Variants in ANO10 observed in about 807,000 individuals in gnomAD.
ANO10 encodes anoctamin-10.
Under a neutral mutation model 74.7 loss-of-function variants are expected in ANO10, and 77 were observed. The ratio of observed to expected loss-of-function variants is 1.03; its 90% CI spans 0.86 to 1.25. The LOEUF (loss-of-function observed/expected upper bound fraction) is 1.25. Ranked by LOEUF, ANO10 falls within the 50% of genes most tolerant of loss-of-function variation. ANO10 has a pLI of 0.00. For synonymous variants in ANO10, 279 were observed against 284.9 expected (o/e 0.98, Z 0.21); for missense variants, 721 against 778.1 (o/e 0.93, Z 0.87).
intron 12 of ANO10, among the ~76,000 whole-genome samples, chr3:43,401,557 GT>G (rs1474895712): frequency 6.6e-6 from 1 of 152,152 alleles, no homozygotes; most frequent in Non-Finnish European, 1.5e-5. Context: ...TCACAGACCA[GT>G]GGTTTCATGG....
chr3:43,492,332 A>G (rs1209326500), intron 11 of ANO10, among the ~76,000 whole-genome samples: 1 of 152,258 alleles, frequency 6.6e-6, no homozygotes, highest in Non-Finnish European at 1.5e-5. Flanking sequence ...AGGACCAGAA[A>G]AATCCTAGAA....
intron 4 of ANO10, among the ~76,000 whole-genome samples, chr3:43,587,487 G>T (rs1410466679): frequency 6.6e-6 from 1 of 152,168 alleles, no homozygotes; most frequent in East Asian, 1.9e-4. Context: ...CACCAAGTGG[G>T]AACTTCCAAG....
At chr3:43,408,353 C>T (rs887170569) in intron 12 of ANO10, among the ~76,000 whole-genome samples, 8 of 152,248 alleles carry the variant, frequency 5.3e-5, no homozygotes, top group East Asian at 3.9e-4. Flanking sequence ...TTTCATTATT[C>T]GTCCTTAAGA....
intron 1 of ANO10, among the ~76,000 whole-genome samples, chr3:43,664,670 T>G (rs1238260082): frequency 6.6e-6 from 1 of 151,204 alleles, no homozygotes; most frequent in African/African-American, 2.4e-5. Flanking sequence ...ACAAAGAACT[T>G]AAATTTACAA....
At chr3:43,659,044 C>T (rs563052563) in intron 1 of ANO10, among the ~76,000 whole-genome samples, 6 of 152,278 alleles carry the variant, frequency 3.9e-5, no homozygotes, top group African/African-American at 1.4e-4. Context: ...GGGGAAAAGG[C>T]AGTATCTTCT....
intron 10 of ANO10, among the ~76,000 whole-genome samples, chr3:43,553,071 G>A (rs2079559084): frequency 6.6e-6 from 1 of 152,098 alleles, no homozygotes; most frequent in South Asian, 2.1e-4. Context: ...TGGGATTACA[G>A]GCATGAGCCG....
chr3:43,614,416 G>C (rs2082982811), intron 1 of ANO10, among the ~76,000 whole-genome samples: 1 of 151,898 alleles, frequency 6.6e-6, no homozygotes, highest in African/African-American at 2.4e-5. Context: ...TATACAAAGA[G>C]TCCTTACAAA....
chr3:43,573,316 T>C (rs1559723385), intron 7 of ANO10, among the ~76,000 whole-genome samples: 1 of 152,188 alleles, frequency 6.6e-6, no homozygotes, highest in Non-Finnish European at 1.5e-5. Context: ...TATTGCCCAA[T>C]TGTTGAATTC....
chr3:43,691,318 C>T (rs765186383), intron 1 of ANO10: 1 of 306,184 alleles, frequency 3.3e-6, no homozygotes, highest in African/African-American at 2.2e-5. Flanking sequence ...GGGTCCGCCC[C>T]GTTGTTGTAT....
chr3:43,471,272 AT>A (rs2075847377), intron 11 of ANO10, among the ~76,000 whole-genome samples: 1 of 152,250 alleles, frequency 6.6e-6, no homozygotes. Context: ...TAGGAAAAAA[AT>A]CAAGTATAAA....
chr3:43,449,658 T>C (rs138216018), intron 11 of ANO10, among the ~76,000 whole-genome samples: 23 of 152,302 alleles, frequency 1.5e-4, no homozygotes, highest in African/African-American at 5.5e-4. Context: ...TATTTGTCTA[T>C]TCTTTCACCA....
intron 8 of ANO10, among the ~76,000 whole-genome samples, chr3:43,563,507 T>G (rs1001837509): frequency 6.6e-6 from 1 of 150,542 alleles, no homozygotes; most frequent in Non-Finnish European, 1.5e-5. Context: ...TGGGTATTTA[T>G]CCAAAGGAAA....
At chr3:43,620,374 A>C (rs1002396795) in intron 1 of ANO10, among the ~76,000 whole-genome samples, 4 of 152,228 alleles carry the variant, frequency 2.6e-5, no homozygotes, top group African/African-American at 9.6e-5. Context: ...ATTCATATAC[A>C]CAAAAATACA....
chr3:43,412,452 T>C (rs939884751), intron 12 of ANO10, among the ~76,000 whole-genome samples: 1 of 152,198 alleles, frequency 6.6e-6, no homozygotes, highest in Non-Finnish European at 1.5e-5. Flanking sequence ...GAACACACCG[T>C]TGCCTGCACT....
At chr3:43,416,929 T>C (rs1575726423) in intron 12 of ANO10, among the ~76,000 whole-genome samples, 2 of 152,226 alleles carry the variant, frequency 1.3e-5, no homozygotes, top group Non-Finnish European at 2.9e-5. Context: ...CATTAACTTA[T>C]TTATGCCAAC....
chr3:43,554,228 C>A (rs573959194), intron 10 of ANO10, among the ~76,000 whole-genome samples: 1 of 144,210 alleles, frequency 6.9e-6, no homozygotes, highest in Non-Finnish European at 1.5e-5. Context: ...GAGTGTCGCT[C>A]TGTCACCCAG....
At chr3:43,510,313 C>A (rs1454624537) in intron 11 of ANO10, among the ~76,000 whole-genome samples, 2 of 151,868 alleles carry the variant, frequency 1.3e-5, no homozygotes, top group African/African-American at 4.8e-5. Context: ...TGCCTGTAAT[C>A]CTGCCTACTG....
At chr3:43,472,197 C>T (rs1367826031) in intron 11 of ANO10, among the ~76,000 whole-genome samples, 2 of 151,966 alleles carry the variant, frequency 1.3e-5, no homozygotes, top group African/African-American at 2.4e-5. Context: ...AGGCAAAACT[C>T]GTAGGGAGAG....
intron 10 of ANO10, chr3:43,551,478 AACCACC>A: frequency 2.2e-6 from 1 of 456,736 alleles, no homozygotes; most frequent in Non-Finnish European, 4.4e-6. Context: ...TTACCTGTGA[AACCACC>A]ACCACCACAA....
Sources: allele counts gnomAD v4.1 joint callset (sites outside exome capture counted in the v4.1 genomes callset), GRCh38; gene constraint gnomAD v4.1.1; transcripts MANE v1.5; gene names NCBI Gene and HGNC (gene_info 2026-07-23, HGNC 2026-07-21).